Variants in RBFOX1 observed in about 807,000 individuals in gnomAD.
The protein encoded by RBFOX1 is RNA binding protein fox-1 homolog 1.
A neutral mutation model predicts 57.7 loss-of-function variants in RBFOX1; 8 were observed. The ratio of observed to expected loss-of-function variants is 0.14; its 90% CI spans 0.08 to 0.25. RBFOX1 has a LOEUF of 0.25. RBFOX1 is among the 10% of genes least tolerant of loss of function. The probability of loss-of-function intolerance (pLI) is 1.00; values close to 1 mark genes in which losing one functional copy is unlikely to be tolerated. For missense variants in RBFOX1, 611 were observed against 548.5 expected (o/e 1.11, Z -1.14); for synonymous variants, 326 against 222.4 (o/e 1.47, Z -4.15).
chr16:5,731,235 A>G (rs780761396), intron 3 of RBFOX1, among the ~76,000 whole-genome samples: 11 of 152,092 alleles, frequency 7.2e-5, no homozygotes, highest in African/African-American at 9.7e-5. Flanking sequence ...TATCATTGTC[A>G]TCACTATCAA....
intron 1 of RBFOX1, among the ~76,000 whole-genome samples, chr16:6,162,448 A>G (rs1006869913): frequency 1.3e-5 from 2 of 152,144 alleles, no homozygotes; most frequent in Non-Finnish European, 2.9e-5. Context: ...AGTGCCAGGC[A>G]TGCTTATGGC....
At chr16:6,922,158 G>C (rs1047108070) in intron 3 of RBFOX1, among the ~76,000 whole-genome samples, 28 of 152,156 alleles carry the variant, frequency 1.8e-4, no homozygotes, top group African/African-American at 6.8e-4. Context: ...ACACAGGGGA[G>C]GATGTGAAAT....
intron 4 of RBFOX1, among the ~76,000 whole-genome samples, chr16:5,940,011 G>T (rs548195277): frequency 1.3e-5 from 2 of 152,306 alleles, no homozygotes; most frequent in African/African-American, 4.8e-5. Context: ...GTAAAATGGG[G>T]CAGATGCCAT....
intron 3 of RBFOX1, among the ~76,000 whole-genome samples, chr16:5,706,551 T>A (rs1226449653): frequency 2.0e-5 from 3 of 152,178 alleles, no homozygotes; most frequent in Non-Finnish European, 4.4e-5. Context: ...GGGAGTTTGT[T>A]TTTAAAACTT....
intron 4 of RBFOX1, among the ~76,000 whole-genome samples, chr16:7,426,724 C>G (rs4787016): frequency 0.74 from 113,025 of 152,086 alleles, 43,266 homozygotes; most frequent in African/African-American, 0.93. Flanking sequence ...CCTGAGAATA[C>G]CAACAGCAGT....
At chr16:5,448,443 A>C (rs649543) in intron 1 of RBFOX1, among the ~76,000 whole-genome samples, 36,405 of 152,094 alleles carry the variant, frequency 0.24, 5,152 homozygotes, top group African/African-American at 0.4. Flanking sequence ...GGAAATAACT[A>C]TCTCTCCTAT....
At chr16:5,719,445 C>T (rs894842930) in intron 3 of RBFOX1, among the ~76,000 whole-genome samples, 6 of 151,380 alleles carry the variant, frequency 4.0e-5, no homozygotes, top group African/African-American at 1.2e-4. Context: ...CTCCTGAGCT[C>T]GCGATCCGCC....
chr16:5,254,697 C>G (rs2062540738), intron 1 of RBFOX1, among the ~76,000 whole-genome samples: 1 of 152,168 alleles, frequency 6.6e-6, no homozygotes, highest in African/African-American at 2.4e-5. Flanking sequence ...ATTTTGTCAA[C>G]AACAGTTCCA....
chr16:6,465,650 A>G (rs553693412), intron 2 of RBFOX1, among the ~76,000 whole-genome samples: 13 of 142,172 alleles, frequency 9.1e-5, no homozygotes, highest in Non-Finnish European at 1.4e-4. Flanking sequence ...TTATGTCCTT[A>G]AATTAAGCGC....
intron 4 of RBFOX1, among the ~76,000 whole-genome samples, chr16:7,318,876 A>G (rs1338817649): frequency 6.6e-6 from 1 of 152,200 alleles, no homozygotes; most frequent in Non-Finnish European, 1.5e-5. Flanking sequence ...CCCAGTAATT[A>G]TAAAAATAAC....
chr16:7,415,785 AGT>A (rs1491519414), intron 4 of RBFOX1, among the ~76,000 whole-genome samples: 219 of 128,932 alleles, frequency 1.7e-3, no homozygotes, highest in African/African-American at 8.4e-3. Flanking sequence ...AGAAAATAAG[AGT>A]ATATATATAT....
chr16:7,330,515 TGTGTGTGTGTAGAG>T (rs2096673873), intron 4 of RBFOX1, among the ~76,000 whole-genome samples: 1 of 122,438 alleles, frequency 8.2e-6, no homozygotes, highest in Non-Finnish European at 1.7e-5. Flanking sequence ...TGTGTTTGTG[TGTGTGTGTGTAGAG>T]AGAGAGAGAG....
At position 7,218,331 on chromosome 16, in the gene RBFOX1, A is replaced by G. The variant is rs182928240; in HGVS notation, c.27+166233A>G. ...TATAATACTCTAAGCCATCATCAGT[A>G]TATTGTTTTCTGGTTTTCACCTTCT... On this transcript the variant is annotated intron_variant, in intron 4 of 15. Coordinates refer to ENST00000550418, the MANE Select transcript of RBFOX1 (RefSeq NM_018723.4). Among the ~76,000 whole-genome samples the G allele has an allele frequency of 5.3e-5, 8 of 152,288 alleles. No individual in the cohort carries two copies. In the East Asian group the frequency reaches 1.5e-3, roughly 29 times the overall value.
chr16:7,169,731 T>G (rs1309950931), intron 4 of RBFOX1, among the ~76,000 whole-genome samples: 3 of 152,182 alleles, frequency 2.0e-5, no homozygotes, highest in Non-Finnish European at 4.4e-5. Context: ...TACAGAGCAT[T>G]AATTCATCTG....
rs543994820 is a variant in RBFOX1 at position 6,090,994 on chromosome 16, G to T, written c.-127+71002G>T. Among the ~76,000 whole-genome samples, 3 of 152,314 alleles carry T rather than the reference G, an allele frequency of 2.0e-5. No homozygotes were observed. The South Asian group carries it at 6.2e-4, about 32-fold the overall frequency. On this transcript the variant is annotated intron_variant, in intron 1 of 15. Coordinates refer to ENST00000550418, the MANE Select transcript of RBFOX1 (RefSeq NM_018723.4). ...TTGGTACATCCCATGCATGTGCAAT[G>T]GTCAAGTTAGGGTATTTAAGATATT...
intron 3 of RBFOX1, among the ~76,000 whole-genome samples, chr16:6,901,863 G>C (rs1466656693): frequency 2.6e-5 from 4 of 152,112 alleles, no homozygotes; most frequent in Non-Finnish European, 5.9e-5. Flanking sequence ...AAAATGTTCT[G>C]GAGTTCCCCA....
chr16:5,716,769 C>G (rs2051717071), intron 3 of RBFOX1, among the ~76,000 whole-genome samples: 1 of 152,252 alleles, frequency 6.6e-6, no homozygotes, highest in African/African-American at 2.4e-5. Context: ...GGGTACATAC[C>G]CAGAAATCCC....
At chr16:5,724,180 T>C (rs2052044666) in intron 3 of RBFOX1, among the ~76,000 whole-genome samples, 1 of 152,096 alleles carries the variant, frequency 6.6e-6, no homozygotes, top group Non-Finnish European at 1.5e-5. Flanking sequence ...TTTTCCTGAG[T>C]GGCAAGATAT....
intron 4 of RBFOX1, among the ~76,000 whole-genome samples, chr16:7,231,757 G>A (rs926911152): frequency 6.6e-6 from 1 of 152,166 alleles, no homozygotes; most frequent in Non-Finnish European, 1.5e-5. Flanking sequence ...CTACAACGTG[G>A]ATGGACCTCA....
Sources: allele counts gnomAD v4.1 joint callset (sites outside exome capture counted in the v4.1 genomes callset), GRCh38; gene constraint gnomAD v4.1.1; transcripts MANE v1.5; gene names NCBI Gene and HGNC (gene_info 2026-07-23, HGNC 2026-07-21).